PPP1R13B: variants seen among roughly 807,000 people sequenced by gnomAD.
The protein encoded by PPP1R13B is protein phosphatase 1 regulatory subunit 13B, also known as apoptosis-stimulating of p53 protein 1.
PPP1R13B carries 44 observed loss-of-function variants against 119.8 expected under a neutral mutation model. That is an observed-to-expected ratio of 0.37 (90% confidence interval 0.29 to 0.47). PPP1R13B has a LOEUF of 0.47. Among genes scored for constraint, PPP1R13B ranks in the 20% least tolerant of loss-of-function variants. The pLI is 0.99. For synonymous variants in PPP1R13B, 542 were observed against 561.5 expected, an observed-to-expected ratio of 0.97 and a Z score of 0.49; for missense variants, 1,227 against 1,413.5, an observed-to-expected ratio of 0.87 and a Z score of 2.12.
chr14:103,820,482 A>T (rs1429043293), intron 1 of PPP1R13B, among the ~76,000 whole-genome samples: 1 of 150,190 alleles, frequency 6.7e-6, no homozygotes, highest in Non-Finnish European at 1.5e-5. Context: ...ATAAACATTC[A>T]CATTAGTCCT....
intron 1 of PPP1R13B, among the ~76,000 whole-genome samples, chr14:103,840,690 A>C (rs951273247): frequency 7.2e-5 from 11 of 151,996 alleles, no homozygotes; most frequent in Non-Finnish European, 1.2e-4. Context: ...GCTTTGGAGG[A>C]TGAGGCAGGA....
intron 4 of PPP1R13B, among the ~76,000 whole-genome samples, chr14:103,757,989 A>C (rs982537096): frequency 6.6e-6 from 1 of 152,238 alleles, no homozygotes; most frequent in Non-Finnish European, 1.5e-5. Context: ...CTCAAGTTTA[A>C]GCAAACATTT....
intron 4 of PPP1R13B, among the ~76,000 whole-genome samples, chr14:103,768,103 T>A (rs1243465398): frequency 6.8e-6 from 1 of 146,604 alleles, no homozygotes; most frequent in Admixed American, 6.8e-5. Context: ...TCCGTGGTAG[T>A]CACCTGAGTG....
intron 4 of PPP1R13B, chr14:103,764,456 A>C (rs2084890032): frequency 2.8e-6 from 1 of 352,736 alleles, no homozygotes; most frequent in Admixed American, 3.7e-5. Flanking sequence ...GAATTGTAAC[A>C]GTATGTTATC....
chr14:103,741,768 G>A (rs1235089489), intron 11 of PPP1R13B, 22 bp downstream of exon 11: 1 of 1,586,022 alleles, frequency 6.3e-7, no homozygotes, highest in African/African-American at 1.4e-5. Context: ...CCCAAGAAAA[G>A]GAGAGTATAA....
At chr14:103,758,747 G>A (rs2084735730) in intron 4 of PPP1R13B, among the ~76,000 whole-genome samples, 1 of 152,176 alleles carries the variant, frequency 6.6e-6, no homozygotes, top group South Asian at 2.1e-4. Flanking sequence ...TCTGAGCAGG[G>A]AGGCCACACA....
At chr14:103,843,058 C>T (rs1173987314) in intron 1 of PPP1R13B, among the ~76,000 whole-genome samples, 1 of 151,996 alleles carries the variant, frequency 6.6e-6, no homozygotes, top group Non-Finnish European at 1.5e-5. Context: ...AGCTACAAAA[C>T]GTCCACACTC....
Position 103,735,124 on chromosome 14 carries a change from G to T in PPP1R13B, c.*30C>A. The T allele has an allele frequency of 6.2e-7, 1 of 1,613,508 alleles. No homozygotes were observed. The highest frequency in any genetic ancestry group is 8.5e-7 in the Non-Finnish European group (1 of 1,179,442). ...TCTCTTAAGTGGCTCCTGGTAGCTG[G>T]CAAGACCATGCGGTGCTCCAAAAGG... On this transcript the variant is annotated 3_prime_UTR_variant, in exon 17 of 17. Transcript: ENST00000202556.
chr14:103,769,891 G>A (rs1214428989), intron 4 of PPP1R13B, among the ~76,000 whole-genome samples: 3 of 151,964 alleles, frequency 2.0e-5, no homozygotes, highest in African/African-American at 4.8e-5. Flanking sequence ...ATAAAATCAA[G>A]CCTCTCTAAC....
chr14:103,800,594 G>A (rs1026504109), intron 1 of PPP1R13B, among the ~76,000 whole-genome samples: 1 of 150,988 alleles, frequency 6.6e-6, no homozygotes, highest in Non-Finnish European at 1.5e-5. Context: ...GGCAGAGGTT[G>A]CAATGAGCCA....
chr14:103,821,550 G>A (rs1217027002), intron 1 of PPP1R13B, among the ~76,000 whole-genome samples: 2 of 152,232 alleles, frequency 1.3e-5, no homozygotes, highest in Admixed American at 6.5e-5. Flanking sequence ...TTGGGAGTTC[G>A]AGACCAGCCT....
In PPP1R13B at chr14:103,735,207, C is replaced by T. The variant is rs200438889; in HGVS notation, c.3232-12G>A. 6.8e-6 allele frequency: 11 copies of T among 1,613,866 alleles called. No homozygotes were observed. The highest frequency in any genetic ancestry group is 1.3e-5 in the African/African-American group (1 of 75,006). On this transcript the variant is annotated splice_polypyrimidine_tract_variant and intron_variant, in intron 16 of 16. Transcript: ENST00000202556. ...ATCCGTGGATACAGCTGGGAAGCAACGGAGCCGCGTCAGGACAGGAAGCCA... is the reference window on the plus strand; with the variant it reads ...ATCCGTGGATACAGCTGGGAAGCAATGGAGCCGCGTCAGGACAGGAAGCCA...
At chr14:103,792,169 CGTGTGTGTGT>C (rs58782839) in intron 2 of PPP1R13B, among the ~76,000 whole-genome samples, 2 of 137,258 alleles carry the variant, frequency 1.5e-5, no homozygotes, top group East Asian at 2.1e-4. Flanking sequence ...CTCTATTCAT[CGTGTGTGTGT>C]GTGTGTGTGT....
In PPP1R13B at chr14:103,734,951, G is replaced by A. The variant is rs764631293; in HGVS notation, c.*203C>T. On this transcript the variant is annotated 3_prime_UTR_variant, in exon 17 of 17. Transcript: ENST00000202556. ...AATTGGCAAAATTCAGTCCTTGGAG[G>A]CGAAAGTACCTCTCCCAGTTAATGG... 9.1e-5 allele frequency: 64 copies of A among 704,044 alleles called. No individual in the cohort carries two copies. The highest frequency in any genetic ancestry group is 8.1e-4 in the South Asian group (54 of 66,760). 43.6% of individuals were successfully genotyped at this position (704,044 alleles called of 1,614,324 possible). A position where few individuals can be genotyped will look rare whatever the true frequency, so the allele number is the denominator to read the frequency against.
chr14:103,770,218 G>C (rs889830826), intron 4 of PPP1R13B, among the ~76,000 whole-genome samples: 1 of 151,816 alleles, frequency 6.6e-6, no homozygotes, highest in Admixed American at 6.6e-5. Flanking sequence ...TTAATCATAA[G>C]ACTTATTCAC....
chr14:103,765,616 G>A (rs796111777), intron 4 of PPP1R13B, among the ~76,000 whole-genome samples: 35 of 152,270 alleles, frequency 2.3e-4, no homozygotes, highest in Non-Finnish European at 4.4e-4. Context: ...TTGCCACTCC[G>A]TTCTAGAACC....
chr14:103,805,387 A>G (rs1231036306), intron 1 of PPP1R13B, among the ~76,000 whole-genome samples: 1 of 151,998 alleles, frequency 6.6e-6, no homozygotes, highest in Non-Finnish European at 1.5e-5. Flanking sequence ...CCTGGGAAAC[A>G]TAACAAAACC....
At chr14:103,736,467 A>G (rs1348516851) in intron 15 of PPP1R13B, 1 of 564,274 alleles carries the variant, frequency 1.8e-6, no homozygotes, top group Non-Finnish European at 3.2e-6. Context: ...CCCCAGGGCA[A>G]GAGTGTGCTG....
In PPP1R13B at chr14:103,740,305, G is replaced by A; in HGVS notation, c.2111C>T (p.Pro704Leu). The A allele has an allele frequency of 6.3e-7, 1 of 1,581,432 alleles. No homozygotes were observed. Among genetic ancestry groups the A allele is most frequent in the Non-Finnish European group, 8.6e-7 (1 of 1,163,946 alleles). ...LRRKLANAPR[P>L]LKKRSSITEP... ...TGTGATGGAGCTGCGCTTTTTCAGG[G>A]GCCGGGGCGCGTTGGCCAGCTTCCT... Residue 704 changes from proline to leucine, a missense_variant, in exon 12 of 17, where the codon CCC (proline) becomes CTC (leucine). Physicochemically the swap from Pro to Leu is moderately conservative, Grantham distance 98 (BLOSUM62 -3). Transcript: ENST00000202556. The surrounding 1 kb of genome is among the most constrained non-coding windows in gnomAD (Gnocchi z 4.6).
Sources: gnomAD v4.1 joint callset for allele counts (sites outside exome capture counted in the v4.1 genomes callset) on GRCh38, gnomAD v4.1.1 for gene constraint, Gnocchi (gnomAD v3.1) non-coding constraint, MANE v1.5 for transcripts, NCBI Gene and HGNC (gene_info 2026-07-23, HGNC 2026-07-21) for gene names.